VXN: variants seen among roughly 807,000 people sequenced by gnomAD.
VXN encodes the protein uncharacterized protein C8orf46.
A neutral mutation model predicts 23.1 loss-of-function variants in VXN; 7 were observed. The ratio of observed to expected loss-of-function variants is 0.30; its 90% confidence interval spans 0.17 to 0.57. VXN has a LOEUF of 0.57. VXN is among the 20% of genes least tolerant of loss of function. The probability of loss-of-function intolerance (pLI) is 0.91; values close to 1 mark genes in which losing one functional copy is unlikely to be tolerated. For synonymous variants in VXN, 120 were observed against 105.8 expected, an observed-to-expected ratio of 1.13 and a Z score of -0.83; for missense variants, 238 against 272.6, an observed-to-expected ratio of 0.87 and a Z score of 0.89.
intron 2 of VXN, among the ~76,000 whole-genome samples, chr8:66,497,704 C>G (rs534453724): frequency 1.3e-5 from 2 of 152,252 alleles, no homozygotes; most frequent in African/African-American, 2.4e-5. Flanking sequence ...TTTGAAGTAT[C>G]TCAATTTTCA....
At chr8:66,511,650 C>T (rs1387740664) in intron 4 of VXN, among the ~76,000 whole-genome samples, 1 of 152,226 alleles carries the variant, frequency 6.6e-6, no homozygotes, top group Non-Finnish European at 1.5e-5. Flanking sequence ...TGCCTGGCCC[C>T]AGCCCTTAAG....
intron 2 of VXN, among the ~76,000 whole-genome samples, chr8:66,499,625 G>A (rs926576786): frequency 6.6e-6 from 1 of 151,754 alleles, no homozygotes; most frequent in African/African-American, 2.4e-5. Flanking sequence ...GCACCATGTC[G>A]GCTCACTGCA....
rs1042839578 is a variant in VXN, at chr8:66,518,129, A to G, written c.*2053A>G. The G allele has an allele frequency of 1.3e-5, 2 of 152,256 alleles. No individual in the cohort carries two copies. Among genetic ancestry groups the G allele is most frequent in the African/African-American group, 4.8e-5 (2 of 41,470 alleles). 9.4% of individuals were successfully genotyped at this position (152,256 alleles called of 1,614,324 possible). ...CAATAGAGATGTTGGAGTCCAGAAC[A>G]AAGTTAGGGAGCAAACCAGTAACCT... On this transcript the variant is annotated 3_prime_UTR_variant, in exon 6 of 6. Coordinates refer to ENST00000305454, the MANE Select transcript of VXN (RefSeq NM_152765.4).
chr8:66,496,038 T>C (rs1350978345), intron 1 of VXN, among the ~76,000 whole-genome samples: 1 of 152,230 alleles, frequency 6.6e-6, no homozygotes, highest in Non-Finnish European at 1.5e-5. Context: ...AACCCCATAT[T>C]AAGAGGAATT....
intron 3 of VXN, 57 bp from the exon 4 acceptor site, chr8:66,510,039 G>A: frequency 6.7e-7 from 1 of 1,503,648 alleles, no homozygotes; most frequent in Non-Finnish European, 9.3e-7. Context: ...TGCAGGGCCA[G>A]TGGGAGGCAG....
At position 66,506,908 on chromosome 8, in the gene VXN, A is replaced by G. The variant is rs1024188540; in HGVS notation, c.280+1380A>G. On this transcript the variant is annotated intron_variant, in intron 3 of 5. Transcript: ENST00000305454. ...GATAGATTTTTCTCTGTGTCTATAT[A>G]TAGGTGGGTGGGTGGGTGGGTGGGT... is the stretch of plus-strand genomic sequence containing the variant. Among the ~76,000 whole-genome samples, 6 of 12,544 alleles carry G rather than the reference A, an allele frequency of 4.8e-4. No homozygotes were observed. In the Admixed American group the frequency reaches 6.0e-3, roughly 13 times the overall value. 8.2% of individuals were successfully genotyped at this position (12,544 alleles called of 152,430 possible).
intron 2 of VXN, chr8:66,498,970 A>C: frequency 3.8e-6 from 1 of 259,794 alleles, no homozygotes; most frequent in Non-Finnish European, 8.1e-6. Context: ...AGTTCTATCC[A>C]TTTCTAGCTA....
chr8:66,498,711 C>G, intron 2 of VXN: 1 of 374,930 alleles, frequency 2.7e-6, no homozygotes, highest in Admixed American at 2.8e-5. Flanking sequence ...AGGGATGATT[C>G]ATGCCCCGGG....
intron 4 of VXN, among the ~76,000 whole-genome samples, chr8:66,512,081 A>G (rs1419070070): frequency 1.3e-5 from 2 of 151,714 alleles, no homozygotes; most frequent in Non-Finnish European, 2.9e-5. Flanking sequence ...AAAAAAAAAA[A>G]AAGAATGAAG....
At chr8:66,504,805 G>C (rs1331421745) in intron 2 of VXN, among the ~76,000 whole-genome samples, 9 of 152,186 alleles carry the variant, frequency 5.9e-5, no homozygotes. Context: ...TGGGGACGCG[G>C]GTAGGAGAGC....
intron 5 of VXN, among the ~76,000 whole-genome samples, chr8:66,515,096 T>C (rs1380572233): frequency 1.3e-5 from 2 of 152,256 alleles, no homozygotes; most frequent in African/African-American, 4.8e-5. Flanking sequence ...TTATTTTACC[T>C]TAATGAGGTA....
At chr8:66,503,022 T>A (rs1467564825) in intron 2 of VXN, among the ~76,000 whole-genome samples, 6 of 152,000 alleles carry the variant, frequency 3.9e-5, no homozygotes, top group Non-Finnish European at 8.8e-5. Flanking sequence ...AGTTTTTGTA[T>A]TTTTTTGTAG....
chr8:66,498,329 C>A (rs1051819104), intron 2 of VXN, among the ~76,000 whole-genome samples: 5 of 151,802 alleles, frequency 3.3e-5, no homozygotes, highest in Non-Finnish European at 5.9e-5. Context: ...TGAGACCCTG[C>A]CTCAAATAAA....
chr8:66,511,542 G>A (rs1331646865), intron 4 of VXN, among the ~76,000 whole-genome samples: 1 of 152,220 alleles, frequency 6.6e-6, no homozygotes, highest in Non-Finnish European at 1.5e-5. Context: ...TTGATGTCAA[G>A]GGAAGATTAT....
At position 66,510,081 on chromosome 8, in the gene VXN, T is replaced by C; in HGVS notation, c.281-15T>C. On this transcript the variant is annotated splice_polypyrimidine_tract_variant and intron_variant, in intron 3 of 5. Transcript: ENST00000305454. ...GAGTACCACTGAGTAATATCTCCTC[T>C]GTTCAACATTGCAGTGGGGATTTCT... The C allele has an allele frequency of 6.2e-7, 1 of 1,611,886 alleles. No individual in the cohort carries two copies. The highest frequency in any genetic ancestry group is 8.5e-7 in the Non-Finnish European group (1 of 1,177,912).
At chr8:66,505,572 A>G (rs1807744298) in intron 3 of VXN, 44 bp downstream of exon 3, 1 of 1,442,516 alleles carries the variant, frequency 6.9e-7, no homozygotes, top group Non-Finnish European at 9.1e-7. Context: ...CCCTGGGCGC[A>G]GAGACCCACT....
chr8:66,504,524 A>G (rs1345458523), intron 2 of VXN, among the ~76,000 whole-genome samples: 2 of 151,904 alleles, frequency 1.3e-5, no homozygotes, highest in African/African-American at 4.8e-5. Context: ...AATGGCTACT[A>G]TTTGTCTCAA....
Position 66,510,132 on chromosome 8 carries a change from G to T in VXN, c.317G>T (p.Gly106Val). Residue 106 changes from glycine (G) to valine (V), a missense_variant, in exon 4 of 6, where the codon GGG becomes GTG. Gly to Val is a moderately radical substitution (Grantham distance 109). This residue lies in a region of VXN where 223 missense variants were observed against 236.9 expected (regional missense o/e 0.94). Coordinates refer to ENST00000305454, the MANE Select transcript of VXN (RefSeq NM_152765.4). ...GAACCCAAAACATCAAATCTGTGTG[G>T]GAATCGAGCATATGGAAAATCTCTG... is the stretch of plus-strand genomic sequence containing the variant. ...ISEPKTSNLC[G>V]NRAYGKSLIP... 6.2e-7 allele frequency: 1 copy of T among 1,613,130 alleles called. No homozygotes were observed. The highest frequency in any genetic ancestry group is 8.5e-7 in the Non-Finnish European group (1 of 1,179,696).
At chr8:66,514,785 T>C (rs1323851582) in intron 5 of VXN, among the ~76,000 whole-genome samples, 1 of 152,098 alleles carries the variant, frequency 6.6e-6, no homozygotes, top group African/African-American at 2.4e-5. Flanking sequence ...TGTCAACGTG[T>C]TTCAGGAAAC....
Sources: allele counts gnomAD v4.1 joint callset (sites outside exome capture counted in the v4.1 genomes callset), GRCh38; gene constraint gnomAD v4.1.1; regional missense constraint gnomAD v4.1.1; transcripts MANE v1.5; gene names NCBI Gene and HGNC (gene_info 2026-07-23, HGNC 2026-07-21).